The following DMD variants were observed in gnomAD, a reference collection of about 807,000 sequenced individuals.
The protein encoded by DMD is dystrophin, also known as mutant dystrophin.
A neutral mutation model predicts 330.1 loss-of-function variants in DMD; 63 were observed. That is an observed-to-expected ratio of 0.19 (90% CI 0.16 to 0.24). The LOEUF is 0.24. DMD is among the 10% of genes least tolerant of loss of function. DMD has a pLI of 1.00. For missense variants in DMD, 3,344 were observed against 2,684.1 expected, an observed-to-expected ratio of 1.25 and a Z score of -5.43; for synonymous variants, 1,223 against 959.8, an observed-to-expected ratio of 1.27 and a Z score of -5.07.
chrX:31,598,021 G>A (rs1041692766), intron 55 of DMD, among the ~76,000 whole-genome samples: 5 of 111,427 alleles, frequency 4.5e-5, no homozygotes, highest in African/African-American at 1.6e-4. Context: ...CATATTGACT[G>A]TTACAAGCAC....
At chrX:32,648,103 T>C (rs766788104) in intron 9 of DMD, among the ~76,000 whole-genome samples, 1 of 111,857 alleles carries the variant, frequency 8.9e-6, no homozygotes, top group Non-Finnish European at 1.9e-5. Context: ...TTATTGATAT[T>C]TACACAGGAT....
chrX:31,482,698 C>T (rs66530452), intron 57 of DMD, among the ~76,000 whole-genome samples: 20,138 of 110,925 alleles, frequency 0.18, 1,987 homozygotes, highest in African/African-American at 0.37. Context: ...AAGTGAAAAT[C>T]AAATGTTCAA....
At chrX:32,848,120 G>A (rs910013024) in intron 3 of DMD, among the ~76,000 whole-genome samples, 1 of 111,561 alleles carries the variant, frequency 9.0e-6, no homozygotes, top group African/African-American at 3.3e-5. Context: ...TGCAACACAG[G>A]AGAAGTGATC....
At chrX:31,998,961 A>T (rs1181156185) in intron 44 of DMD, among the ~76,000 whole-genome samples, 1 of 111,760 alleles carries the variant, frequency 8.9e-6, no homozygotes, top group African/African-American at 3.2e-5. Flanking sequence ...CATACACTGG[A>T]GACATGATCA....
At chrX:31,277,472 G>T (rs942086908) in intron 62 of DMD, among the ~76,000 whole-genome samples, 1 of 112,109 alleles carries the variant, frequency 8.9e-6, no homozygotes, top group African/African-American at 3.2e-5. Flanking sequence ...TGATAAGGAG[G>T]AAAGAGTGTA....
chrX:32,854,571 CAAA>C (rs1201969423), intron 2 of DMD, among the ~76,000 whole-genome samples: 17 of 61,578 alleles, frequency 2.8e-4, no homozygotes, highest in African/African-American at 6.5e-5. Flanking sequence ...GCACTTGTAT[CAAA>C]AAAAAAAAAA....
intron 1 of DMD, among the ~76,000 whole-genome samples, chrX:33,328,500 C>G (rs2054122599): frequency 9.0e-6 from 1 of 111,273 alleles, no homozygotes; most frequent in Non-Finnish European, 1.9e-5. Context: ...CCGGCCCATA[C>G]AGGTTTAAAT....
At chrX:32,530,612 A>G (rs185730608) in intron 17 of DMD, among the ~76,000 whole-genome samples, 2 of 112,199 alleles carry the variant, frequency 1.8e-5, no homozygotes, top group African/African-American at 3.2e-5. Flanking sequence ...CACAAATTCT[A>G]AAATGTCAGA....
At chrX:31,714,088 G>C (rs1394695227) in intron 52 of DMD, among the ~76,000 whole-genome samples, 2 of 111,413 alleles carry the variant, frequency 1.8e-5, no homozygotes, top group Non-Finnish European at 3.8e-5. Flanking sequence ...GTCTCTATTA[G>C]AAAAGGGTCA....
chrX:32,337,157 G>C (rs188346452), intron 41 of DMD, among the ~76,000 whole-genome samples: 1 of 111,278 alleles, frequency 9.0e-6, no homozygotes, highest in East Asian at 2.8e-4. Context: ...GGAGTGATTT[G>C]ATGCATTTTG....
At chrX:32,880,743 G>A (rs967472257) in intron 2 of DMD, among the ~76,000 whole-genome samples, 3 of 111,782 alleles carry the variant, frequency 2.7e-5, no homozygotes, top group East Asian at 2.8e-4. Flanking sequence ...TCGGGAGTTC[G>A]AGACCAGCCT....
At chrX:31,354,144 AG>A (rs1294876884) in intron 60 of DMD, among the ~76,000 whole-genome samples, 1 of 111,821 alleles carries the variant, frequency 8.9e-6, no homozygotes, top group Admixed American at 9.5e-5. Flanking sequence ...CAGGAAAAAA[AG>A]GTCCTTTTTT....
chrX:32,467,647 T>C (rs1244196297), intron 23 of DMD, among the ~76,000 whole-genome samples: 4 of 106,162 alleles, frequency 3.8e-5, no homozygotes, highest in African/African-American at 1.4e-4. Context: ...TATATATATA[T>C]ATACACACAT....
At chrX:32,779,459 C>G (rs12013348) in intron 7 of DMD, among the ~76,000 whole-genome samples, 9,009 of 109,955 alleles carry the variant, frequency 0.082, 949 homozygotes, top group African/African-American at 0.29. Context: ...TTAATTTTTA[C>G]CACTAGCATT....
chrX:32,652,342 G>A (rs952944945), intron 9 of DMD, among the ~76,000 whole-genome samples: 1 of 90,314 alleles, frequency 1.1e-5, no homozygotes, highest in Non-Finnish European at 2.1e-5. Flanking sequence ...TGTGTCCAAG[G>A]GTTCTCATTG....
chrX:33,250,552 A>G (rs1383268052), intron 1 of DMD, among the ~76,000 whole-genome samples: 2 of 111,162 alleles, frequency 1.8e-5, no homozygotes, highest in African/African-American at 6.6e-5. Context: ...ATACAAAACC[A>G]TTACAAATCA....
At chrX:31,974,785 C>A (rs1032954257) in intron 44 of DMD, among the ~76,000 whole-genome samples, 1 of 110,311 alleles carries the variant, frequency 9.1e-6, no homozygotes, top group African/African-American at 3.3e-5. Flanking sequence ...AAACATCCTG[C>A]CAATGAACTG....
rs2055469275 is a variant in DMD at position 32,595,928 on chromosome X, G to A, written c.1483-52C>T. On this transcript the variant is annotated intron_variant, in intron 12 of 78. Transcript: ENST00000357033. ...ATTAAAATGATATTCTTACATGTGT[G>A]TTGAAATGATTTGCTCTCAAATGGT... 3.8e-6 allele frequency: 4 copies of A among 1,045,438 alleles called. No homozygotes were observed. The East Asian group carries it at 9.2e-5, about 24-fold the overall frequency. 86.2% of individuals were successfully genotyped at this position (1,045,438 alleles called of 1,213,427 possible). A position where few individuals can be genotyped will look rare whatever the true frequency, so the allele number is the denominator to read the frequency against.
At chrX:31,245,799 C>T (rs964004095) in intron 63 of DMD, among the ~76,000 whole-genome samples, 4 of 111,508 alleles carry the variant, frequency 3.6e-5, no homozygotes, top group Non-Finnish European at 7.5e-5. Flanking sequence ...GTTCTGACTG[C>T]TCCACCGACC....
Sources: gnomAD v4.1 joint callset for allele counts (sites outside exome capture counted in the v4.1 genomes callset) on GRCh38, gnomAD v4.1.1 for gene constraint, MANE v1.5 for transcripts, NCBI Gene and HGNC (gene_info 2026-07-23, HGNC 2026-07-21) for gene names.